Variants in LMO1 observed in about 807,000 individuals in gnomAD.
The protein encoded by LMO1 is rhombotin-1.
Under a neutral mutation model 18.0 loss-of-function variants are expected in LMO1, and 10 were observed. The observed-to-expected ratio is 0.55, with a 90% CI of 0.34 to 0.94. The LOEUF is 0.94. Ranked by LOEUF, LMO1 falls within the 40% of genes least tolerant of loss-of-function variation. The probability of loss-of-function intolerance (pLI) is 0.02; values close to 1 mark genes in which losing one functional copy is unlikely to be tolerated. For synonymous variants in LMO1, 77 were observed against 77.9 expected, an observed-to-expected ratio of 0.99 and a Z score of 0.06; for missense variants, 183 against 205.7, an observed-to-expected ratio of 0.89 and a Z score of 0.68.
At position 8,230,395 on chromosome 11, in the gene LMO1, G is replaced by T. The variant is rs554845024; in HGVS notation, c.135C>A (p.His45Gln). ...AGCAGGCACACTTGAGGCAGTCTTC[G>T]TGCCAGTACTTGTCCAATGCCTTCA... ...YLLKALDKYW[H>Q]EDCLKCACCD... Residue 45 changes from histidine (H) to glutamine (Q), a missense_variant, in exon 2 of 4, where the codon CAC (histidine) becomes CAA (glutamine). By Grantham distance (24) the His-to-Gln change is conservative. Coordinates refer to ENST00000335790, the MANE Select transcript of LMO1 (RefSeq NM_002315.3). 2 of 1,614,066 alleles carry T rather than the reference G, an allele frequency of 1.2e-6. No individual in the cohort carries two copies. The highest frequency in any genetic ancestry group is 1.7e-6 in the Non-Finnish European group (2 of 1,179,902).
intron 2 of LMO1, 69 bp downstream of exon 2, chr11:8,230,222 G>T (rs116602025): frequency 2.1e-6 from 3 of 1,429,788 alleles, no homozygotes; most frequent in Non-Finnish European, 2.0e-6. Context: ...GCACAGTCAC[G>T]CTGGGGCTGA....
intron 1 of LMO1, among the ~76,000 whole-genome samples, chr11:8,236,820 T>G (rs1027276096): frequency 7.9e-5 from 12 of 152,194 alleles, no homozygotes; most frequent in African/African-American, 2.9e-4. Flanking sequence ...GTAAGTTGCA[T>G]GAAAATACAT....
chr11:8,255,371 G>A (rs1218032588), intron 1 of LMO1, among the ~76,000 whole-genome samples: 3 of 152,186 alleles, frequency 2.0e-5, no homozygotes, highest in Non-Finnish European at 2.9e-5. Context: ...GCTAGGCATG[G>A]TGATATGGAC....
upstream of LMO1, among the ~76,000 whole-genome samples, chr11:8,268,184 C>A (rs1045967745): frequency 1.2e-4 from 19 of 152,338 alleles, no homozygotes; most frequent in East Asian, 3.7e-3. Context: ...TCGTTGGGAC[C>A]GGGAGACTTC....
Position 8,263,450 on chromosome 11 carries a change from C to A in LMO1, c.-88G>T. On this transcript the variant is annotated 5_prime_UTR_variant, in exon 1 of 4. Coordinates refer to ENST00000335790, the MANE Select transcript of LMO1 (RefSeq NM_002315.3). ...GCGCTTTGGAGGGGCGGCCGGTCTT[C>A]GGGCAGCTAGCGGGCTCTAATTACC... 8 of 1,562,504 alleles carry A rather than the reference C, an allele frequency of 5.1e-6. No individual in the cohort carries two copies. Among genetic ancestry groups the A allele is most frequent in the South Asian group, 4.7e-5 (4 of 85,482 alleles).
At chr11:8,226,822 A>C (rs952585684) in intron 3 of LMO1, 153 bp downstream of exon 3, 1 of 1,366,470 alleles carries the variant, frequency 7.3e-7, no homozygotes, top group Non-Finnish European at 9.5e-7. Flanking sequence ...TAAAACACAT[A>C]AAGCACATGC....
rs1315152871 is a variant in LMO1 at position 8,263,485 on chromosome 11, G to C, written c.-123C>G. The C allele has an allele frequency of 7.3e-6, 11 of 1,510,224 alleles. No homozygotes were observed. Among genetic ancestry groups the C allele is most frequent in the Admixed American group, 2.1e-5 (1 of 47,924 alleles). The allele number at this position is 1,510,224 out of a possible 1,614,324, so 93.6% of individuals were successfully genotyped here. On this transcript the variant is annotated 5_prime_UTR_variant, in exon 1 of 4. Transcript: ENST00000335790. ...GCGGGCTCTAATTACCCGCTTGTCC[G>C]GCTCTTAACCTAGATTGCACTCAGC...
intron 1 of LMO1, among the ~76,000 whole-genome samples, chr11:8,234,059 CCAG>C (rs1267906028): frequency 3.9e-5 from 6 of 152,154 alleles, no homozygotes; most frequent in Non-Finnish European, 8.8e-5. Context: ...TGCGCTGGGC[CCAG>C]CAGAATAAAC....
At chr11:8,264,246 C>T (rs1490006683), upstream of LMO1, among the ~76,000 whole-genome samples, 1 of 151,444 alleles carries the variant, frequency 6.6e-6, no homozygotes, top group Non-Finnish European at 1.5e-5. Context: ...CCGAGTCTTA[C>T]AGCACTACTC....
At chr11:8,251,941 T>C (rs1847006057) in intron 1 of LMO1, among the ~76,000 whole-genome samples, 1 of 138,750 alleles carries the variant, frequency 7.2e-6, no homozygotes, top group African/African-American at 2.7e-5. Context: ...TGTGTGTGAA[T>C]GTATGTGGGA....
intron 1 of LMO1, among the ~76,000 whole-genome samples, chr11:8,236,460 C>T (rs751443158): frequency 6.6e-6 from 1 of 151,916 alleles, no homozygotes; most frequent in South Asian, 2.1e-4. Flanking sequence ...CCCACCTCAA[C>T]TTCCCAAAGT....
At chr11:8,249,962 C>G (rs1333545335) in intron 1 of LMO1, among the ~76,000 whole-genome samples, 2 of 152,232 alleles carry the variant, frequency 1.3e-5, no homozygotes, top group Non-Finnish European at 2.9e-5. Flanking sequence ...GAAAGTAACT[C>G]TTAATGAGCT....
intron 1 of LMO1, among the ~76,000 whole-genome samples, chr11:8,236,191 G>T (rs1565179479): frequency 7.2e-6 from 1 of 139,680 alleles, no homozygotes. Context: ...TGTAGCCTTG[G>T]TATTTTTTTT....
intron 1 of LMO1, among the ~76,000 whole-genome samples, chr11:8,237,718 C>T (rs1292582078): frequency 6.6e-6 from 1 of 152,244 alleles, no homozygotes; most frequent in Non-Finnish European, 1.5e-5. Context: ...AGAGGCTAGG[C>T]TCCGCCCATG....
intron 1 of LMO1, among the ~76,000 whole-genome samples, chr11:8,234,532 A>C (rs1952727961): frequency 6.6e-6 from 1 of 152,060 alleles, no homozygotes; most frequent in Non-Finnish European, 1.5e-5. Flanking sequence ...CCTGGTTTGG[A>C]TGGCAGCCTG....
At chr11:8,229,982 G>T (rs1952622626) in intron 2 of LMO1, among the ~76,000 whole-genome samples, 1 of 152,242 alleles carries the variant, frequency 6.6e-6, no homozygotes. Context: ...TGGGTCAGAA[G>T]CACCTGGCCA....
chr11:8,228,863 G>T (rs1487882345), intron 2 of LMO1, among the ~76,000 whole-genome samples: 1 of 151,990 alleles, frequency 6.6e-6, no homozygotes, highest in African/African-American at 2.4e-5. Flanking sequence ...GCCCCTTCTA[G>T]GTCCTCAAGG....
intron 1 of LMO1, among the ~76,000 whole-genome samples, chr11:8,260,395 CG>C (rs1847166254): frequency 6.6e-6 from 1 of 152,244 alleles, no homozygotes; most frequent in East Asian, 1.9e-4. Context: ...GTAGAAAGCC[CG>C]GACCCTGAGT....
At chr11:8,230,735 A>C (rs547062244) in intron 1 of LMO1, among the ~76,000 whole-genome samples, 69 of 152,296 alleles carry the variant, frequency 4.5e-4, no homozygotes, top group African/African-American at 1.6e-3. Context: ...GTCCCTCCAG[A>C]GGCTGCTCTG....
Sources: gnomAD v4.1 joint callset for allele counts (sites outside exome capture counted in the v4.1 genomes callset) on GRCh38, gnomAD v4.1.1 for gene constraint, MANE v1.5 for transcripts, NCBI Gene and HGNC (gene_info 2026-07-23, HGNC 2026-07-21) for gene names.